Variants in E2F4 observed in about 807,000 individuals in gnomAD.
E2F4 encodes the protein transcription factor E2F4.
A neutral mutation model predicts 44.5 loss-of-function variants in E2F4; 16 were observed. That is an observed-to-expected ratio of 0.36 (90% CI 0.24 to 0.55). The LOEUF (loss-of-function observed/expected upper bound fraction) is 0.55, where lower values mean the gene tolerates loss of function less well. E2F4 is among the 20% of genes least tolerant of loss of function. The pLI, the probability that E2F4 is intolerant of heterozygous loss-of-function variation, is 0.87. For synonymous variants in E2F4, 242 were observed against 207.2 expected (o/e 1.17, Z -1.44); for missense variants, 473 against 522.1 (o/e 0.91, Z 0.92).
chr16:67,195,673 G>A, intron 6 of E2F4, 109 bp from the exon 7 acceptor site: 1 of 1,545,258 alleles, frequency 6.5e-7, no homozygotes, highest in Non-Finnish European at 8.8e-7. Flanking sequence ...AATTCTCCTT[G>A]GGTCTGGGAA....
chr16:67,195,494 T>G (rs1004625017), intron 6 of E2F4, among the ~76,000 whole-genome samples: 2 of 152,154 alleles, frequency 1.3e-5, no homozygotes, highest in Non-Finnish European at 2.9e-5. Context: ...GTGGCAGTTT[T>G]CTCCCCCAGA....
intron 4 of E2F4, chr16:67,194,146 T>C: frequency 1.9e-6 from 1 of 513,474 alleles, no homozygotes; most frequent in South Asian, 2.6e-5. Context: ...CAGCCATCGG[T>C]AGAGGAATGA....
In E2F4 at chr16:67,193,043, G is replaced by A. The variant is rs2032912352; in HGVS notation, c.280G>A (p.Ala94Thr). Residue 94 changes from alanine to threonine, a missense_variant, in exon 3 of 10, where the codon GCT becomes ACT. Transcript: ENST00000379378. ...GCCTGGCTGCAATACCCGGGAGATT[G>A]CTGACAAACTGATTGAGCTCAAGGC... ...VGPGCNTREI[A>T]DKLIELKAEI... 2 of 1,572,032 alleles carry A rather than the reference G, an allele frequency of 1.3e-6. No homozygotes were observed. Among genetic ancestry groups the A allele is most frequent in the East Asian group, 2.3e-5 (1 of 42,810 alleles).
chr16:67,194,978 C>G lies in E2F4; in HGVS notation c.806C>G (p.Thr269Arg), dbSNP rs1042554169. 5 of 1,612,392 alleles carry G rather than the reference C, an allele frequency of 3.1e-6. No individual in the cohort carries two copies. The South Asian group carries it at 5.5e-5, about 18-fold the overall frequency. Reference protein sequence around the residue: ...QGMAGPAAEITVSGGPGTDSK... With the variant: ...QGMAGPAAEIRVSGGPGTDSK... Reference sequence around the variant, plus strand: ...ATGGCTGGCCCAGCAGCTGAGATCACAGGTGAGGCACCATGGGAGCTTGTG... The same window carrying G: ...ATGGCTGGCCCAGCAGCTGAGATCAGAGGTGAGGCACCATGGGAGCTTGTG... The change falls in exon 6 of 10, where the codon ACA (threonine) becomes AGA (arginine). Residue 269 changes from threonine to arginine, a missense_variant and splice_region_variant. This residue lies in a region of E2F4 where 314 missense variants were observed against 315.6 expected (regional missense o/e 0.99). Transcript: ENST00000379378.
At chr16:67,192,636 C>G (rs1293338476) in intron 1 of E2F4, 125 bp from the exon 2 acceptor site, 1 of 1,010,842 alleles carries the variant, frequency 9.9e-7, no homozygotes, top group Non-Finnish European at 1.5e-6. Flanking sequence ...CGGTCCTGAG[C>G]TGCAGTAGCG....
chr16:67,198,240 C>T lies in E2F4; in HGVS notation c.*117C>T, dbSNP rs757390658. On this transcript the variant is annotated 3_prime_UTR_variant, in exon 10 of 10. Transcript: ENST00000379378. ...GAGAGCCACAGACGCCTGGCTTCTC[C>T]GGCCTCCCCTCACCGCACAGTTCTG... 1.2e-5 allele frequency: 10 copies of T among 862,460 alleles called. No homozygotes were observed. The East Asian group carries it at 1.5e-4, about 13-fold the overall frequency. The allele number at this position is 862,460 out of a possible 1,614,324, so 53.4% of individuals were successfully genotyped here.
In E2F4 at chr16:67,194,451, A is replaced by C; in HGVS notation, c.505A>C (p.Ile169Leu). The change falls in exon 5 of 10, where the codon ATC becomes CTC. Residue 169 changes from isoleucine (I) to leucine (L), a missense_variant. Ile to Leu is a conservative substitution (Grantham distance 5). Transcript: ENST00000379378. ...APSGTSLEVP[I>L]PEGLNGQKKY... ...ATCAGGCACCAGCCTGGAGGTGCCCATCCCAGAGGTGGGTGCTTAGCCCAG... is the reference window on the plus strand; with the variant it reads ...ATCAGGCACCAGCCTGGAGGTGCCCCTCCCAGAGGTGGGTGCTTAGCCCAG... 1 of 1,613,974 alleles carries C rather than the reference A, an allele frequency of 6.2e-7. No individual in the cohort carries two copies.
chr16:67,197,625 G>C lies in E2F4; in HGVS notation c.1060G>C (p.Glu354Gln), dbSNP rs771581639. ...GVLELPKELS[E>Q]IFDPTRECMS... ...TTTGGAACTCCCCAAAGAGCTGTCA[G>C]AAATCTTTGATCCCACACGAGGTAG... The change falls in exon 8 of 10, where the codon GAA becomes CAA. Residue 354 changes from glutamate to glutamine, a missense_variant. Transcript: ENST00000379378. 4 of 1,614,096 alleles carry C rather than the reference G, an allele frequency of 2.5e-6. No individual in the cohort carries two copies. In the African/African-American group the frequency reaches 5.3e-5, roughly 22 times the overall value.
intron 7 of E2F4, 58 bp downstream of exon 7, chr16:67,196,064 G>A: frequency 6.2e-7 from 1 of 1,604,286 alleles, no homozygotes; most frequent in South Asian, 1.1e-5. Context: ...CCAGTCCTAG[G>A]TCAGAAAACA....
At position 67,195,890 on chromosome 16, in the gene E2F4, ACAGCAGCAGCAGCAG is replaced by A. The variant is rs3830472; in HGVS notation, c.944_958del (p.Ser315_Ser319del). The stretch of plus-strand genomic sequence containing the variant: ...CCACTGCAGTCTTCTGCCCTGCTGG[ACAGCAGCAGCAGCAG>A]CAGCAGCAGCAGCAGCAGCAGCAGC... On this transcript the variant is annotated inframe_deletion, in exon 7 of 10. Coordinates refer to ENST00000379378, the MANE Select transcript of E2F4 (RefSeq NM_001950.4). 1,372 of 1,608,078 alleles carry A rather than the reference ACAGCAGCAGCAGCAG, an allele frequency of 8.5e-4. 3 individuals carry two copies. The highest frequency in any genetic ancestry group is 6.5e-4 in the East Asian group (29 of 44,666).
At position 67,193,141 on chromosome 16, in the gene E2F4, G is replaced by C. The variant is rs761287669; in HGVS notation, c.378G>C (p.Arg126=). The change falls in exon 3 of 10, where the codon CGG becomes CGC. Residue 126 remains arginine, a synonymous_variant. Coordinates refer to ENST00000379378, the MANE Select transcript of E2F4 (RefSeq NM_001950.4). ...AGGTGTGGGTGCAGCAGAGCATCCG[G>C]AACGTCACAGAGGACGTGCAGAACA... The part of the protein sequence containing the change: ...QHKVWVQQSI[R]NVTEDVQNSC... The C allele has an allele frequency of 1.0e-5, 16 of 1,572,944 alleles. No individual in the cohort carries two copies. In the Admixed American group the frequency reaches 2.8e-4, roughly 27 times the overall value.
In E2F4 at chr16:67,194,831, C is replaced by G. The variant is rs999679992; in HGVS notation, c.659C>G (p.Ser220Cys). The G allele has an allele frequency of 1.2e-6, 2 of 1,614,216 alleles. No individual in the cohort carries two copies. Among genetic ancestry groups the G allele is most frequent in the South Asian group, 2.2e-5 (2 of 91,090 alleles). ...CCTGAAGATTTGCTCCAGAGCCCAT[C>G]TGCTGTTTCTACACCTCCACCTCTG... ...PPPEDLLQSP[S>C]AVSTPPPLPK... Residue 220 changes from serine (S) to cysteine (C), a missense_variant, in exon 6 of 10, where the codon TCT (serine) becomes TGT (cysteine). Transcript: ENST00000379378.
intron 7 of E2F4, among the ~76,000 whole-genome samples, chr16:67,196,399 C>T (rs2032970698): frequency 6.6e-6 from 1 of 152,198 alleles, no homozygotes; most frequent in African/African-American, 2.4e-5. Flanking sequence ...CGGTGTTACT[C>T]TTGAGAAGCT....
Position 67,194,716 on chromosome 16 carries a change from C to T in E2F4, c.544C>T (p.His182Tyr). ...GLNGQKKYQI[H>Y]LKSVSGPIEV... ...CAATGGGCAGAAGAAGTACCAGATT[C>T]ACCTGAAGAGTGTGAGTGGTCCCAT... Residue 182 changes from histidine (H) to tyrosine (Y), a missense_variant, in exon 6 of 10, where the codon CAC (histidine) becomes TAC (tyrosine). This residue lies in a region of E2F4 where 314 missense variants were observed against 315.6 expected (regional missense o/e 0.99). Coordinates refer to ENST00000379378, the MANE Select transcript of E2F4 (RefSeq NM_001950.4). 1.2e-6 allele frequency: 2 copies of T among 1,613,906 alleles called. No homozygotes were observed. Among genetic ancestry groups the T allele is most frequent in the Non-Finnish European group, 1.7e-6 (2 of 1,179,786 alleles).
chr16:67,194,573 G>A (rs987879390), intron 5 of E2F4, 113 bp from the exon 6 acceptor site: 5 of 1,569,678 alleles, frequency 3.2e-6, no homozygotes, highest in Non-Finnish European at 4.4e-6. Context: ...GGTTATCTAG[G>A]AGGATGGGCA....
chr16:67,193,505 A>G lies in E2F4; in HGVS notation c.441A>G (p.Arg147=). The G allele has an allele frequency of 6.2e-7, 1 of 1,614,120 alleles. No homozygotes were observed. The highest frequency in any genetic ancestry group is 1.3e-5 in the African/African-American group (1 of 75,036). ...ACGTCACTCATGAGGACATCTGCAG[A>G]TGCTTTGCTGGTGAGCAGAGCCTGG... ...LAYVTHEDIC[R]CFAGDTLLAI... is the part of the protein sequence containing the mutation. The change falls in exon 4 of 10, where the codon AGA becomes AGG. Residue 147 remains arginine (R), a synonymous_variant. Coordinates refer to ENST00000379378, the MANE Select transcript of E2F4 (RefSeq NM_001950.4).
rs1310629117 is a variant in E2F4, at chr16:67,192,214, G to A, written c.-14G>A. 2.4e-6 allele frequency: 3 copies of A among 1,246,350 alleles called. No individual in the cohort carries two copies. Among genetic ancestry groups the A allele is most frequent in the South Asian group, 7.0e-5 (2 of 28,500 alleles). The allele number at this position is 1,246,350 out of a possible 1,614,324, so 77.2% of individuals were successfully genotyped here. ...TGGCCTGGCCTGGCTGAGGGGAGGC[G>A]GCGGGCGGGCGCGATGGCGGAGGCC... is the stretch of plus-strand genomic sequence containing the variant. On this transcript the variant is annotated 5_prime_UTR_variant, in exon 1 of 10. Coordinates refer to ENST00000379378, the MANE Select transcript of E2F4 (RefSeq NM_001950.4).
At chr16:67,195,370 G>A (rs1473902265) in intron 6 of E2F4, among the ~76,000 whole-genome samples, 1 of 152,172 alleles carries the variant, frequency 6.6e-6, no homozygotes, top group Non-Finnish European at 1.5e-5. Context: ...GACCTCAAAT[G>A]ATCTGCCTGC....
At chr16:67,196,046 G>A (rs753333027) in intron 7 of E2F4, 40 bp downstream of exon 7, 312 of 1,611,430 alleles carry the variant, frequency 1.9e-4, no homozygotes, top group Non-Finnish European at 2.6e-4. Flanking sequence ...AGAGAGTCTA[G>A]CCTCAGTCCA....
Sources: allele counts gnomAD v4.1 joint callset (sites outside exome capture counted in the v4.1 genomes callset), GRCh38; gene constraint gnomAD v4.1.1; regional missense constraint gnomAD v4.1.1; transcripts MANE v1.5; gene names NCBI Gene and HGNC (gene_info 2026-07-23, HGNC 2026-07-21).